CDH13: variants seen among roughly 807,000 people sequenced by gnomAD.
The protein encoded by CDH13 is cadherin-13.
CDH13 carries 24 observed loss-of-function variants against 63.8 expected under a neutral mutation model. That is an observed-to-expected ratio of 0.38 (90% CI 0.27 to 0.53). The LOEUF (loss-of-function observed/expected upper bound fraction) is 0.53. Among genes scored for constraint, CDH13 ranks in the 20% least tolerant of loss-of-function variants. CDH13 has a pLI of 0.85. For synonymous variants in CDH13, 503 were observed against 355.3 expected (o/e 1.42, Z -4.67); for missense variants, 1,049 against 903.1 (o/e 1.16, Z -2.07).
intron 5 of CDH13, among the ~76,000 whole-genome samples, chr16:83,289,247 T>C (rs1339709767): frequency 6.6e-6 from 1 of 152,234 alleles, no homozygotes; most frequent in Non-Finnish European, 1.5e-5. Flanking sequence ...GGGACCCTTT[T>C]GGCCTCTACA....
rs765077102 is a variant in CDH13 at position 83,798,310 on chromosome 16, G to A, written c.*3280G>A. ...ATTTAGTGCAGTTGCACCCAGGCAC[G>A]AGCTCTCCAGATGATTCTGAGGAAA... On this transcript the variant is annotated 3_prime_UTR_variant, in exon 14 of 14. Transcript: ENST00000567109. 3.3e-5 allele frequency: 5 copies of A among 152,146 alleles called. No homozygotes were observed. The highest frequency in any genetic ancestry group is 1.2e-4 in the African/African-American group (5 of 41,438). 9.4% of individuals were successfully genotyped at this position (152,146 alleles called of 1,614,324 possible).
chr16:83,712,727 G>T (rs1843657870), intron 10 of CDH13, among the ~76,000 whole-genome samples: 1 of 152,170 alleles, frequency 6.6e-6, no homozygotes, highest in South Asian at 2.1e-4. Context: ...TTGAGTTTCA[G>T]TATTACAGAC....
intron 6 of CDH13, among the ~76,000 whole-genome samples, chr16:83,402,756 G>T (rs1006436584): frequency 1.3e-5 from 2 of 152,150 alleles, no homozygotes; most frequent in East Asian, 3.8e-4. Context: ...ACCGATCAGT[G>T]TCATTATTAG....
chr16:83,695,566 A>T (rs144896169), intron 10 of CDH13, among the ~76,000 whole-genome samples: 2 of 152,354 alleles, frequency 1.3e-5, no homozygotes, highest in African/African-American at 2.4e-5. Flanking sequence ...CACCCATGGA[A>T]ACCCACAGCT....
At chr16:82,958,498 A>G (rs1906464389) in intron 2 of CDH13, among the ~76,000 whole-genome samples, 1 of 152,210 alleles carries the variant, frequency 6.6e-6, no homozygotes, top group Non-Finnish European at 1.5e-5. Flanking sequence ...AAATTTGATT[A>G]TTTGATAGAA....
chr16:82,883,984 G>A (rs529505269), intron 2 of CDH13, among the ~76,000 whole-genome samples: 15 of 152,200 alleles, frequency 9.9e-5, no homozygotes, highest in South Asian at 2.1e-4. Flanking sequence ...TCTGTAAAAT[G>A]GGCTTGATTA....
At chr16:83,065,829 G>C (rs1193506364) in intron 3 of CDH13, among the ~76,000 whole-genome samples, 1 of 152,120 alleles carries the variant, frequency 6.6e-6, no homozygotes, top group East Asian at 1.9e-4. Flanking sequence ...AGATGGAAGG[G>C]TGCCACAGGA....
At chr16:83,674,985 A>G (rs1914834184) in intron 9 of CDH13, among the ~76,000 whole-genome samples, 1 of 152,230 alleles carries the variant, frequency 6.6e-6, no homozygotes, top group Non-Finnish European at 1.5e-5. Flanking sequence ...TCCAGCCAAC[A>G]AACCCAGGTC....
chr16:83,422,970 A>G (rs1247616974), intron 6 of CDH13, among the ~76,000 whole-genome samples: 1 of 152,212 alleles, frequency 6.6e-6, no homozygotes, highest in African/African-American at 2.4e-5. Context: ...GCCAAATACT[A>G]GGAATACAAA....
intron 10 of CDH13, among the ~76,000 whole-genome samples, chr16:83,688,815 C>T (rs1904566072): frequency 1.3e-5 from 2 of 152,162 alleles, no homozygotes; most frequent in South Asian, 2.1e-4. Context: ...TATATTAGCA[C>T]AGATGACTCT....
intron 3 of CDH13, among the ~76,000 whole-genome samples, chr16:83,101,102 A>G (rs1185582329): frequency 6.6e-6 from 1 of 152,060 alleles, no homozygotes; most frequent in Non-Finnish European, 1.5e-5. Context: ...GCACAGGGGT[A>G]CAGCTGTGGA....
At chr16:82,709,246 A>G (rs564212062) in intron 1 of CDH13, among the ~76,000 whole-genome samples, 2 of 152,360 alleles carry the variant, frequency 1.3e-5, no homozygotes, top group Non-Finnish European at 2.9e-5. Context: ...GGACATTATC[A>G]TCAAAAGCTA....
At chr16:83,655,990 C>T (rs930011018) in intron 8 of CDH13, among the ~76,000 whole-genome samples, 1 of 152,134 alleles carries the variant, frequency 6.6e-6, no homozygotes, top group Non-Finnish European at 1.5e-5. Context: ...CTATTCAGCA[C>T]ATATTCTGCA....
chr16:83,152,407 A>G (rs563695925), intron 4 of CDH13, among the ~76,000 whole-genome samples: 59 of 152,382 alleles, frequency 3.9e-4, no homozygotes, highest in African/African-American at 1.4e-3. Flanking sequence ...AGGTTATAAA[A>G]CAATATTATA....
intron 11 of CDH13, among the ~76,000 whole-genome samples, chr16:83,777,644 G>A (rs935460651): frequency 2.6e-5 from 4 of 152,136 alleles, no homozygotes; most frequent in East Asian, 1.9e-4. Flanking sequence ...TCATGCCCAC[G>A]CCTGCTTCTA....
chr16:83,287,886 A>T (rs1374518462), intron 5 of CDH13, among the ~76,000 whole-genome samples: 4 of 152,176 alleles, frequency 2.6e-5, no homozygotes, highest in Non-Finnish European at 4.4e-5. Flanking sequence ...CTCAAAATTA[A>T]TGCATAGAAG....
At chr16:83,269,103 C>A (rs1042041715) in intron 5 of CDH13, among the ~76,000 whole-genome samples, 13 of 152,212 alleles carry the variant, frequency 8.5e-5, no homozygotes, top group African/African-American at 3.1e-4. Flanking sequence ...CTAGAACTCT[C>A]TAGAACCTCC....
intron 8 of CDH13, among the ~76,000 whole-genome samples, chr16:83,648,628 C>T (rs892489137): frequency 1.3e-5 from 2 of 152,094 alleles, no homozygotes; most frequent in Non-Finnish European, 2.9e-5. Flanking sequence ...CTACTGACAC[C>T]GACCCCCTGG....
chr16:83,570,692 T>A (rs888166910), intron 7 of CDH13, among the ~76,000 whole-genome samples: 4 of 146,186 alleles, frequency 2.7e-5, no homozygotes, highest in East Asian at 2.0e-4. Flanking sequence ...AAAAAAAATT[T>A]AAATTTATTA....
Sources: gnomAD v4.1 joint callset for allele counts (sites outside exome capture counted in the v4.1 genomes callset) on GRCh38, gnomAD v4.1.1 for gene constraint, MANE v1.5 for transcripts, NCBI Gene and HGNC (gene_info 2026-07-23, HGNC 2026-07-21) for gene names.